The following RNF40 variants were observed in gnomAD, a reference collection of about 807,000 sequenced individuals.
The protein encoded by RNF40 is E3 ubiquitin-protein ligase BRE1B.
RNF40 carries 39 observed loss-of-function variants against 123.3 expected under a neutral mutation model. That is an observed-to-expected ratio of 0.32 (90% CI 0.24 to 0.41). The LOEUF (loss-of-function observed/expected upper bound fraction) is 0.41. RNF40 is among the 10% of genes least tolerant of loss of function. RNF40 has a pLI of 1.00. For missense variants in RNF40, 1,003 were observed against 1,319.9 expected, an observed-to-expected ratio of 0.76 and a Z score of 3.72; for synonymous variants, 538 against 526.0, an observed-to-expected ratio of 1.02 and a Z score of -0.31.
rs773844196 is a variant in RNF40 at position 30,766,413 on chromosome 16, G to C, written c.1148G>C (p.Arg383Pro). Residue 383 changes from arginine to proline, a missense_variant, in exon 10 of 20, where the codon CGG (arginine) becomes CCG (proline). Around this residue, in one of 11 missense-constraint regions of RNF40, gnomAD observed 274 missense variants for 356.9 expected, o/e 0.77. Transcript: ENST00000324685. This position sits in a 1 kb window ranked among gnomAD's most constrained non-coding sequence, Gnocchi z 5.4. ...CGGAGCCTTCCTGAGGAGGTAGTGC[G>C]GGAGACGGGGGAGTACCGCATGCTG... ...ALRSLPEEVV[R>P]ETGEYRMLQA... 6.2e-7 allele frequency: 1 copy of C among 1,613,712 alleles called. No individual in the cohort carries two copies. Among genetic ancestry groups the C allele is most frequent in the Non-Finnish European group, 8.5e-7 (1 of 1,179,792 alleles).
chr16:30,766,483 G>T lies in RNF40; in HGVS notation c.1218G>T (p.Lys406Asn). 1.2e-6 allele frequency: 2 copies of T among 1,613,814 alleles called. No individual in the cohort carries two copies. Among genetic ancestry groups the T allele is most frequent in the South Asian group, 1.1e-5 (1 of 91,080 alleles). ...TCTACAACGAGTCTCTGCAAGTGAA[G>T]ACCCAGCTAGACGAGGCTCGGGGCC... ...SLLYNESLQV[K>N]TQLDEARGLL... The change falls in exon 10 of 20, where the codon AAG (lysine) becomes AAT (asparagine). Residue 406 changes from lysine to asparagine, a missense_variant. Physicochemically the swap from Lys to Asn is moderately conservative, Grantham distance 94. Coordinates refer to ENST00000324685, the MANE Select transcript of RNF40 (RefSeq NM_014771.4). This position sits in a 1 kb window ranked among gnomAD's most constrained non-coding sequence, Gnocchi z 5.4.
rs1175125647 is a variant in RNF40, at chr16:30,768,140, C to T, written c.1589C>T (p.Pro530Leu). 6 of 1,607,218 alleles carry T rather than the reference C, an allele frequency of 3.7e-6. No individual in the cohort carries two copies. The highest frequency in any genetic ancestry group is 4.3e-6 in the Non-Finnish European group (5 of 1,176,266). Residue 530 changes from proline (P) to leucine (L), a missense_variant, in exon 13 of 20, where the codon CCC (proline) becomes CTC (leucine). By Grantham distance (98) the Pro-to-Leu change is moderately conservative (BLOSUM62 -3). Around this residue, in one of 11 missense-constraint regions of RNF40, gnomAD observed 295 missense variants for 331.7 expected, o/e 0.89. Coordinates refer to ENST00000324685, the MANE Select transcript of RNF40 (RefSeq NM_014771.4). This position sits in a 1 kb window ranked among gnomAD's most constrained non-coding sequence, Gnocchi z 4.1. Reference sequence around the variant, plus strand: ...GCCAGTGGCTCTGCCCACTCCACCCCCAACCTGGGCCACCCAGAGGATTCT... The same window carrying T: ...GCCAGTGGCTCTGCCCACTCCACCCTCAACCTGGGCCACCCAGAGGATTCT... ...AQASGSAHSTPNLGHPEDSGV... is the reference protein window; with the variant it reads ...AQASGSAHSTLNLGHPEDSGV...
In RNF40 at chr16:30,772,039, C is replaced by T. The variant is rs78527451; in HGVS notation, c.2728-50C>T. The T allele has an allele frequency of 1.7e-3, 2,644 of 1,581,376 alleles. 27 individuals carry two copies. In the African/African-American group the frequency reaches 0.03, roughly 18 times the overall value. ...GTCACGGACCTATCCTGGGGGCAAGCGGCTCAAGGTTGAGGACCCTTGCCC... is the reference window on the plus strand; with the variant it reads ...GTCACGGACCTATCCTGGGGGCAAGTGGCTCAAGGTTGAGGACCCTTGCCC... On this transcript the variant is annotated intron_variant, in intron 18 of 19. Coordinates refer to ENST00000324685, the MANE Select transcript of RNF40 (RefSeq NM_014771.4).
In RNF40 at chr16:30,774,648, C is replaced by T. The variant is rs1352782952; in HGVS notation, c.*534C>T. 3.4e-6 allele frequency: 1 copy of T among 292,078 alleles called. No homozygotes were observed. The highest frequency in any genetic ancestry group is 6.7e-6 in the Non-Finnish European group (1 of 149,148). 18.1% of individuals were successfully genotyped at this position (292,078 alleles called of 1,614,324 possible). On this transcript the variant is annotated 3_prime_UTR_variant, in exon 20 of 20. Coordinates refer to ENST00000324685, the MANE Select transcript of RNF40 (RefSeq NM_014771.4). ...TGTGGAGTTCCCTGGACACCTTGGT[C>T]TGGCTCTTGTGCCAAGGGCTGAAGG...
At position 30,774,743 on chromosome 16, in the gene RNF40, T is replaced by G. The variant is rs563002645; in HGVS notation, c.*629T>G. ...AAGCTCTAAGGTTGCTGCAGTCACCTTCCTCATCTTGCAGGTGCTGAACCA... is the reference window on the plus strand; with the variant it reads ...AAGCTCTAAGGTTGCTGCAGTCACCGTCCTCATCTTGCAGGTGCTGAACCA... On this transcript the variant is annotated 3_prime_UTR_variant, in exon 20 of 20. Transcript: ENST00000324685. 5.5e-5 allele frequency: 19 copies of G among 345,316 alleles called. No homozygotes were observed. The highest frequency in any genetic ancestry group is 1.2e-4 in the Admixed American group (3 of 24,732). 21.4% of individuals were successfully genotyped at this position (345,316 alleles called of 1,614,324 possible).
Position 30,768,816 on chromosome 16 carries a change from TTTC to T in RNF40, c.2098-15_2098-13del, listed in dbSNP as rs761121368. On this transcript the variant is annotated intron_variant, in intron 14 of 19. Coordinates refer to ENST00000324685, the MANE Select transcript of RNF40 (RefSeq NM_014771.4). The surrounding 1 kb of genome is among the most constrained non-coding windows in gnomAD (Gnocchi z 4.1). ...TCAGCAGGAAGCAGTGTCAAGAGAG[TTTC>T]TTCTTCCCTGTGCTATAGGTTGATG... The T allele has an allele frequency of 1.2e-6, 2 of 1,613,990 alleles. No individual in the cohort carries two copies. The highest frequency in any genetic ancestry group is 1.1e-5 in the South Asian group (1 of 91,078).
At chr16:30,764,440 G>A (rs1380682775) in intron 5 of RNF40, 55 bp downstream of exon 5, 7 of 1,474,916 alleles carry the variant, frequency 4.7e-6, no homozygotes, top group Non-Finnish European at 6.5e-6. Context: ...GCATCTTGAT[G>A]GCACCCCTTC....
Position 30,774,565 on chromosome 16 carries a change from G to C in RNF40, c.*451G>C, listed in dbSNP as rs1171409872. On this transcript the variant is annotated 3_prime_UTR_variant, in exon 20 of 20. Transcript: ENST00000324685. ...TTCCTTGTTTGAGACTGGGCTGCAG[G>C]CCCCAGGAAGACTTTCCTTCACCCA... 1 of 223,998 alleles carries C rather than the reference G, an allele frequency of 4.5e-6. No individual in the cohort carries two copies. Among genetic ancestry groups the C allele is most frequent in the Non-Finnish European group, 9.0e-6 (1 of 110,680 alleles). The allele number at this position is 223,998 out of a possible 1,614,324, so 13.9% of individuals were successfully genotyped here.
chr16:30,775,002 T>C lies in RNF40; in HGVS notation c.*888T>C. On this transcript the variant is annotated 3_prime_UTR_variant, in exon 20 of 20. Coordinates refer to ENST00000324685, the MANE Select transcript of RNF40 (RefSeq NM_014771.4). ...CATTCCAGCTAGAAGAGCTTCCCCCTGACACCCTGTGACTGAGCCTGTGTC... is the reference window on the plus strand; with the variant it reads ...CATTCCAGCTAGAAGAGCTTCCCCCCGACACCCTGTGACTGAGCCTGTGTC... The C allele has an allele frequency of 2.2e-6, 1 of 456,528 alleles. No homozygotes were observed. The highest frequency in any genetic ancestry group is 4.4e-6 in the Non-Finnish European group (1 of 226,796). The allele number at this position is 456,528 out of a possible 1,614,324, so 28.3% of individuals were successfully genotyped here. A position where few individuals can be genotyped will look rare whatever the true frequency, so the allele number is the denominator to read the frequency against.
intron 8 of RNF40, 44 bp downstream of exon 8, chr16:30,765,543 TG>T (rs758184757): frequency 8.4e-6 from 13 of 1,556,128 alleles, no homozygotes; most frequent in Non-Finnish European, 8.0e-6. Context: ...ACCTCTTCTC[TG>T]TTGCACTCTT....
chr16:30,761,999 C>A, upstream of RNF40: 1 of 537,828 alleles, frequency 1.9e-6, no homozygotes, highest in South Asian at 2.6e-5. Flanking sequence ...GCGAAGAGAA[C>A]GCGCAGATAC....
At position 30,766,271 on chromosome 16, in the gene RNF40, G is replaced by A. The variant is rs1356358442; in HGVS notation, c.1102G>A (p.Glu368Lys). 10 of 1,614,068 alleles carry A rather than the reference G, an allele frequency of 6.2e-6. 1 individual carries two copies. Among genetic ancestry groups the A allele is most frequent in the Non-Finnish European group, 8.5e-6 (10 of 1,179,990 alleles). ...ACTTCAGGGGGCTGTGCGGACCAATGAGCGCCTCAAGGTGGGCTGCTGTAG... is the reference window on the plus strand; with the variant it reads ...ACTTCAGGGGGCTGTGCGGACCAATAAGCGCCTCAAGGTGGGCTGCTGTAG... ...AELQGAVRTN[E>K]RLKVALRSLP... Residue 368 changes from glutamate (E) to lysine (K), a missense_variant, in exon 9 of 20, where the codon GAG (glutamate) becomes AAG (lysine). Glu to Lys is a moderately conservative substitution (Grantham distance 56). Coordinates refer to ENST00000324685, the MANE Select transcript of RNF40 (RefSeq NM_014771.4). The surrounding 1 kb of genome is among the most constrained non-coding windows in gnomAD (Gnocchi z 5.4).
intron 19 of RNF40, among the ~76,000 whole-genome samples, chr16:30,773,096 C>T (rs2151335674): frequency 6.6e-6 from 1 of 152,214 alleles, no homozygotes; most frequent in Admixed American, 6.5e-5. Context: ...TGAGAAGGTG[C>T]CTGTGGGACC....
At chr16:30,765,839 G>A (rs551521241) in intron 8 of RNF40, among the ~76,000 whole-genome samples, 2 of 152,354 alleles carry the variant, frequency 1.3e-5, no homozygotes, top group South Asian at 4.1e-4. Flanking sequence ...ATAAAGCACA[G>A]AAGAGAGAGC....
At chr16:30,763,624 C>A in intron 4 of RNF40, 65 bp downstream of exon 4, 3 of 1,563,532 alleles carry the variant, frequency 1.9e-6, no homozygotes, top group Non-Finnish European at 2.6e-6. Flanking sequence ...GAGGAGGGGA[C>A]TTTGGTGTTG....
rs746341996 is a variant in RNF40 at position 30,766,907 on chromosome 16, C to T, written c.1429+31C>T. 17 of 1,606,016 alleles carry T rather than the reference C, an allele frequency of 1.1e-5. No homozygotes were observed. In the South Asian group the frequency reaches 1.2e-4, roughly 11 times the overall value. ...TGGTGAGGATAGGGCGGAGGTGGGG[C>T]CTTATCTGGGAGTGCTGGGCCCTGG... On this transcript the variant is annotated intron_variant, in intron 11 of 19. Coordinates refer to ENST00000324685, the MANE Select transcript of RNF40 (RefSeq NM_014771.4). The surrounding 1 kb of genome is among the most constrained non-coding windows in gnomAD (Gnocchi z 5.4).
At chr16:30,769,059 G>C in intron 15 of RNF40, 72 bp downstream of exon 15, 1 of 1,602,842 alleles carries the variant, frequency 6.2e-7, no homozygotes, top group Non-Finnish European at 8.5e-7. Flanking sequence ...TGCCTCTAGT[G>C]CCTGCAGGAC....
chr16:30,773,946 G>A lies in RNF40; in HGVS notation c.2838G>A (p.Leu946=), dbSNP rs1461879301. ...GCCTTTGCCTGGCCCAGGCGCGGTTGACCTGCCCCTGCTGTAACACCCGCA... is the reference window on the plus strand; with the variant it reads ...GCCTTTGCCTGGCCCAGGCGCGGTTAACCTGCCCCTGCTGTAACACCCGCA... The part of the protein sequence containing the change: ...QEEIKEYKAR[L]TCPCCNTRKK... Residue 946 remains leucine (L), a synonymous_variant, in exon 20 of 20, where the codon TTG becomes TTA. Transcript: ENST00000324685. 1 of 1,612,158 alleles carries A rather than the reference G, an allele frequency of 6.2e-7. No homozygotes were observed. The highest frequency in any genetic ancestry group is 1.7e-5 in the Admixed American group (1 of 59,898).
At chr16:30,763,981 C>T (rs553740845) in intron 4 of RNF40, among the ~76,000 whole-genome samples, 198 bp from the exon 5 acceptor site, 9 of 152,124 alleles carry the variant, frequency 5.9e-5, no homozygotes, top group East Asian at 1.9e-4. Context: ...GGATGTGATA[C>T]GCAACTCTGT....
Sources: gnomAD v4.1 joint callset for allele counts (sites outside exome capture counted in the v4.1 genomes callset) on GRCh38, gnomAD v4.1.1 for gene constraint, gnomAD v4.1.1 regional missense constraint, Gnocchi (gnomAD v3.1) non-coding constraint, MANE v1.5 for transcripts, NCBI Gene and HGNC (gene_info 2026-07-23, HGNC 2026-07-21) for gene names.